The following ELP4 variants were observed in gnomAD, a reference collection of about 807,000 sequenced individuals.
ELP4 encodes the protein elongator acetyltransferase complex subunit 4, also known as elongator complex protein 4.
Under a neutral mutation model 48.9 loss-of-function variants are expected in ELP4, and 51 were observed. The ratio of observed to expected loss-of-function variants is 1.04; its 90% CI spans 0.83 to 1.32. The LOEUF is 1.32. Among genes scored for constraint, ELP4 ranks in the 40% most tolerant of loss-of-function variants. The pLI is 0.00. For missense variants in ELP4, 519 were observed against 514.6 expected (o/e 1.01, Z -0.08); for synonymous variants, 210 against 189.2 (o/e 1.11, Z -0.90).
chr11:31,512,607 A>G (rs2133866674), intron 1 of ELP4: 1 of 152,318 alleles, frequency 6.6e-6, no homozygotes. Context: ...CATGTTCTCA[A>G]CCTTGCCCTT....
intron 2 of ELP4, among the ~76,000 whole-genome samples, chr11:31,532,364 G>A (rs1374414345): frequency 1.3e-5 from 2 of 152,164 alleles, no homozygotes; most frequent in African/African-American, 2.4e-5. Context: ...AGCTTAGCAC[G>A]GAGAAAGCTG....
chr11:31,769,876 A>G (rs934481973), intron 9 of ELP4, among the ~76,000 whole-genome samples: 1 of 152,194 alleles, frequency 6.6e-6, no homozygotes, highest in Non-Finnish European at 1.5e-5. Context: ...TAACATTCAG[A>G]TCTAAAAACA....
At chr11:31,781,733 A>T (rs1432051910) in intron 9 of ELP4, among the ~76,000 whole-genome samples, 6 of 151,708 alleles carry the variant, frequency 4.0e-5, no homozygotes, top group Admixed American at 3.3e-4. Flanking sequence ...TCTTGACCTC[A>T]TGATCCGCCT....
intron 9 of ELP4, among the ~76,000 whole-genome samples, chr11:31,746,310 C>CA (rs1168416722): frequency 6.6e-6 from 1 of 152,158 alleles, no homozygotes; most frequent in African/African-American, 2.4e-5. Flanking sequence ...CTAGTTCAAC[C>CA]ATTGTGGAAG....
At chr11:31,758,276 G>T (rs377559130) in intron 9 of ELP4, among the ~76,000 whole-genome samples, 1 of 152,152 alleles carries the variant, frequency 6.6e-6, no homozygotes, top group African/African-American at 2.4e-5. Context: ...ATTCCTCGAG[G>T]ATTTTTTATA....
intron 5 of ELP4, among the ~76,000 whole-genome samples, chr11:31,618,502 C>G (rs767111856): frequency 6.6e-6 from 1 of 152,064 alleles, no homozygotes; most frequent in Non-Finnish European, 1.5e-5. Context: ...TGGCACCAAT[C>G]CTGCCCATGA....
At chr11:31,748,071 GTTT>G (rs1947635997) in intron 9 of ELP4, among the ~76,000 whole-genome samples, 1 of 152,152 alleles carries the variant, frequency 6.6e-6, no homozygotes, top group African/African-American at 2.4e-5. Context: ...GTAGATTACA[GTTT>G]CTTTTAGAGA....
intron 3 of ELP4, among the ~76,000 whole-genome samples, chr11:31,545,372 G>A (rs1339092104): frequency 1.3e-5 from 2 of 152,172 alleles, no homozygotes; most frequent in African/African-American, 4.8e-5. Context: ...TCAACTGGAA[G>A]AAAGGGTATC....
At chr11:31,570,790 CTTTTTT>C (rs1183889559) in intron 3 of ELP4, among the ~76,000 whole-genome samples, 1 of 86,038 alleles carries the variant, frequency 1.2e-5, no homozygotes, top group Non-Finnish European at 2.0e-5. Context: ...ACTGTAAACT[CTTTTTT>C]TTTTTTTTTT....
Position 31,573,163 on chromosome 11 carries a change from C to A in ELP4, c.382-21607C>A, listed in dbSNP as rs2133958973. ...ATGTTCACAGTTTTATAACCACCAC[C>A]ATAATCATAACATAGAATATTTCCA... On this transcript the variant is annotated intron_variant, in intron 3 of 9. Transcript: ENST00000640961. Among the ~76,000 whole-genome samples, 4 of 152,278 alleles carry A rather than the reference C, an allele frequency of 2.6e-5. 1 individual carries two copies. The Middle Eastern group carries it at 0.014, about 518-fold the overall frequency.
At chr11:31,630,259 T>C (rs1321189910) in intron 6 of ELP4, among the ~76,000 whole-genome samples, 1 of 151,086 alleles carries the variant, frequency 6.6e-6, no homozygotes, top group Admixed American at 6.6e-5. Flanking sequence ...ATTTCATTCT[T>C]ATAGTCTTAT....
chr11:31,790,120 A>AAAAAAC lies in ELP4; in HGVS notation c.*6596_*6597insAAAAAC. 7.9e-6 allele frequency: 6 copies of AAAAAAC among 759,764 alleles called. No homozygotes were observed. Among genetic ancestry groups the AAAAAAC allele is most frequent in the Non-Finnish European group, 6.4e-6 (3 of 465,820 alleles). The allele number at this position is 759,764 out of a possible 1,614,324, so 47.1% of individuals were successfully genotyped here. A position where few individuals can be genotyped will look rare whatever the true frequency, so the allele number is the denominator to read the frequency against. ...TACAAAAAAAAAAAAAAAAAAAAAAACTAATACTTTCTAACATTTTTTACT... is the reference window on the plus strand; with the variant it reads ...TACAAAAAAAAAAAAAAAAAAAAAAAAAAAACCTAATACTTTCTAACATTTTTTACT... On this transcript the variant is annotated 3_prime_UTR_variant, in exon 10 of 10. Coordinates refer to ENST00000640961, the MANE Select transcript of ELP4 (RefSeq NM_019040.5).
At chr11:31,702,235 C>G (rs1435568121) in intron 9 of ELP4, among the ~76,000 whole-genome samples, 1 of 151,960 alleles carries the variant, frequency 6.6e-6, no homozygotes, top group African/African-American at 2.4e-5. Flanking sequence ...CCCAGGAGTT[C>G]AAAGCTGCAG....
chr11:31,635,589 A>G (rs893394231), intron 7 of ELP4, among the ~76,000 whole-genome samples: 1 of 151,996 alleles, frequency 6.6e-6, no homozygotes, highest in African/African-American at 2.4e-5. Context: ...AGATGGATCC[A>G]ACTAGTTTCA....
intron 3 of ELP4, among the ~76,000 whole-genome samples, chr11:31,556,399 T>C (rs1454566442): frequency 1.3e-5 from 2 of 151,930 alleles, no homozygotes; most frequent in Non-Finnish European, 2.9e-5. Context: ...AAAAATTACA[T>C]TTTTCTGTTA....
At chr11:31,601,695 T>C (rs1957786480) in intron 4 of ELP4, among the ~76,000 whole-genome samples, 1 of 152,148 alleles carries the variant, frequency 6.6e-6, no homozygotes, top group African/African-American at 2.4e-5. Flanking sequence ...CACTAATAAA[T>C]TTATTAACTC....
At chr11:31,664,212 G>T (rs1945622212) in intron 9 of ELP4, 1 of 152,120 alleles carries the variant, frequency 6.6e-6, no homozygotes, top group African/African-American at 2.4e-5. Flanking sequence ...AAGGGGTTTT[G>T]TTGTCAGAGT....
At chr11:31,565,485 T>C (rs1489486704) in intron 3 of ELP4, among the ~76,000 whole-genome samples, 2 of 146,130 alleles carry the variant, frequency 1.4e-5, no homozygotes, top group African/African-American at 5.3e-5. Context: ...TACGTTTTCT[T>C]CTAGGGTTTT....
chr11:31,673,661 A>G (rs568367298), intron 9 of ELP4, among the ~76,000 whole-genome samples: 1 of 152,284 alleles, frequency 6.6e-6, no homozygotes, highest in African/African-American at 2.4e-5. Context: ...CTCAGTTGCC[A>G]CAATTTTGGT....
Sources: allele counts gnomAD v4.1 joint callset (sites outside exome capture counted in the v4.1 genomes callset), GRCh38; gene constraint gnomAD v4.1.1; transcripts MANE v1.5; gene names NCBI Gene and HGNC (gene_info 2026-07-23, HGNC 2026-07-21).